Variants in DPP6 observed in about 807,000 individuals in gnomAD.
DPP6 encodes the protein dipeptidyl peptidase like 6.
DPP6 carries 69 observed loss-of-function variants against 122.6 expected under a neutral mutation model. The ratio of observed to expected loss-of-function variants is 0.56; its 90% confidence interval spans 0.46 to 0.69. The LOEUF is 0.69. Among genes scored for constraint, DPP6 ranks in the 30% least tolerant of loss-of-function variants. DPP6 has a pLI of 0.00. For synonymous variants in DPP6, 418 were observed against 433.1 expected (o/e 0.97, Z 0.43); for missense variants, 928 against 1,116.9 (o/e 0.83, Z 2.41).
chr7:154,314,025 C>T (rs1392285732), intron 1 of DPP6, among the ~76,000 whole-genome samples: 1 of 151,896 alleles, frequency 6.6e-6, no homozygotes, highest in African/African-American at 2.4e-5. Context: ...CAAAAGCTCC[C>T]TTGGTGCATT....
At chr7:154,083,101 G>A (rs1455958532) in intron 1 of DPP6, among the ~76,000 whole-genome samples, 4 of 151,938 alleles carry the variant, frequency 2.6e-5, no homozygotes, top group Admixed American at 6.6e-5. Flanking sequence ...CGCCCACCTC[G>A]ACCTCCCAAA....
chr7:153,789,667 A>T, the DPP6 span, among the ~76,000 whole-genome samples: 1 of 152,332 alleles, frequency 6.6e-6, no homozygotes, highest in East Asian at 1.9e-4. Context: ...CACCTTAATT[A>T]ACAGAGATAT....
intron 1 of DPP6, among the ~76,000 whole-genome samples, chr7:154,254,495 C>T (rs1253922572): frequency 6.6e-6 from 1 of 152,146 alleles, no homozygotes; most frequent in African/African-American, 2.4e-5. Context: ...TACTGAGCTT[C>T]TGAGAAAAAT....
chr7:154,692,781 C>CTT (rs200799193), intron 7 of DPP6, among the ~76,000 whole-genome samples: 119 of 141,510 alleles, frequency 8.4e-4, no homozygotes, highest in East Asian at 1.2e-3. Flanking sequence ...TTCTCTCTCT[C>CTT]TTTTTTTTTT....
At position 154,769,314 on chromosome 7, in the gene DPP6, C is replaced by T. The variant is rs565780490; in HGVS notation, c.884-103C>T. 32 of 1,483,072 alleles carry T rather than the reference C, an allele frequency of 2.2e-5. No individual in the cohort carries two copies. The East Asian group carries it at 6.8e-4, about 32-fold the overall frequency. 91.9% of individuals were successfully genotyped at this position (1,483,072 alleles called of 1,614,324 possible). A position where few individuals can be genotyped will look rare whatever the true frequency, so the allele number is the denominator to read the frequency against. On this transcript the variant is annotated intron_variant, in intron 8 of 25. Coordinates refer to ENST00000377770, the MANE Select transcript of DPP6 (RefSeq NM_130797.4). ...AGGTTGTAGCAGATAAGGGGCTCTG[C>T]AGGGACTCGTTTCTTTCCTGGCCAC...
the DPP6 span, among the ~76,000 whole-genome samples, chr7:153,828,599 T>A: frequency 6.6e-6 from 1 of 152,214 alleles, no homozygotes; most frequent in African/African-American, 2.4e-5. Context: ...GTATATCTGA[T>A]TAAAGAGTAT....
At chr7:154,036,026 G>A (rs1209606825) in intron 1 of DPP6, among the ~76,000 whole-genome samples, 1 of 112,794 alleles carries the variant, frequency 8.9e-6, no homozygotes, top group African/African-American at 3.6e-5. Context: ...GCGCTTGTGT[G>A]TGTGTGTGTG....
chr7:154,005,217 C>T (rs997874968), intron 1 of DPP6, among the ~76,000 whole-genome samples: 10 of 152,216 alleles, frequency 6.6e-5, no homozygotes, highest in Non-Finnish European at 1.0e-4. Flanking sequence ...ATAGTTCCTA[C>T]CCCAAGAAAA....
chr7:154,853,365 G>A (rs907040232), intron 16 of DPP6, among the ~76,000 whole-genome samples: 1 of 152,250 alleles, frequency 6.6e-6, no homozygotes. Context: ...ATTGGATGGA[G>A]TGACATCCTT....
intron 1 of DPP6, among the ~76,000 whole-genome samples, chr7:154,402,583 C>G (rs1438849166): frequency 7.4e-6 from 1 of 135,370 alleles, no homozygotes; most frequent in Non-Finnish European, 1.5e-5. Context: ...GAACATCACA[C>G]TCTGGGGACT....
chr7:154,646,046 G>A (rs376163901), intron 6 of DPP6, among the ~76,000 whole-genome samples: 5,699 of 57,580 alleles, frequency 0.099, 23 homozygotes, highest in South Asian at 0.13. Context: ...AAAAAAAAAA[G>A]AAAATACTGA....
At chr7:153,944,342 G>A (rs968267203) in intron 1 of DPP6, among the ~76,000 whole-genome samples, 1 of 152,196 alleles carries the variant, frequency 6.6e-6, no homozygotes, top group African/African-American at 2.4e-5. Context: ...CGAGGCGTGT[G>A]CTTGGACCTG....
At chr7:154,629,657 G>T (rs1336866920) in intron 5 of DPP6, among the ~76,000 whole-genome samples, 1 of 152,138 alleles carries the variant, frequency 6.6e-6, no homozygotes, top group Non-Finnish European at 1.5e-5. Flanking sequence ...ATAAGGAAAG[G>T]ACTGTGGAGG....
the DPP6 span, among the ~76,000 whole-genome samples, chr7:153,867,053 C>G: frequency 6.6e-6 from 1 of 152,120 alleles, no homozygotes; most frequent in African/African-American, 2.4e-5. Flanking sequence ...GTTACTGTAG[C>G]CTTGTAGTAT....
At chr7:154,716,358 C>T (rs1391639868) in intron 7 of DPP6, among the ~76,000 whole-genome samples, 1 of 152,164 alleles carries the variant, frequency 6.6e-6, no homozygotes, top group African/African-American at 2.4e-5. Flanking sequence ...CATCCCTACC[C>T]ACTTACTATT....
rs149086997 is a variant in DPP6, at chr7:154,439,187, C to A, written c.244-7027C>A. Among the ~76,000 whole-genome samples, 11 of 152,240 alleles carry A rather than the reference C, an allele frequency of 7.2e-5. No individual in the cohort carries two copies. The East Asian group carries it at 1.5e-3, about 21-fold the overall frequency. On this transcript the variant is annotated intron_variant, in intron 1 of 25. Transcript: ENST00000377770. ...TGACATTGAGAAGTGATGTGTTGAG[C>A]GTGCCAAAAATCTACCCAGTATAGA... is the stretch of plus-strand genomic sequence containing the variant.
rs1278525013 is a variant in DPP6, at chr7:154,893,775, AC to A, written c.*1299del. 2 of 152,162 alleles carry A rather than the reference AC, an allele frequency of 1.3e-5. No individual in the cohort carries two copies. The highest frequency in any genetic ancestry group is 2.4e-5 in the African/African-American group (1 of 41,418). 9.4% of individuals were successfully genotyped at this position (152,162 alleles called of 1,614,324 possible). A position where few individuals can be genotyped will look rare whatever the true frequency, so the allele number is the denominator to read the frequency against. ...ACCCAGCCTCCTCCCGCCAGTGCTA[AC>A]CCCGTGTTGAGCCTGCATGCTGACA... On this transcript the variant is annotated 3_prime_UTR_variant, in exon 26 of 26. Transcript: ENST00000377770.
At chr7:153,758,312 T>C in the DPP6 span, among the ~76,000 whole-genome samples, 4 of 152,226 alleles carry the variant, frequency 2.6e-5, no homozygotes, top group Admixed American at 6.5e-5. Context: ...CCTCTTTTGT[T>C]CTTGAAAAAG....
intron 7 of DPP6, among the ~76,000 whole-genome samples, chr7:154,701,300 A>T (rs1324940413): frequency 6.6e-6 from 1 of 152,068 alleles, no homozygotes; most frequent in African/African-American, 2.4e-5. Context: ...GCTGATAACC[A>T]CGCAGGCTGT....
Sources: allele counts gnomAD v4.1 joint callset (sites outside exome capture counted in the v4.1 genomes callset), GRCh38; gene constraint gnomAD v4.1.1; transcripts MANE v1.5; gene names NCBI Gene and HGNC (gene_info 2026-07-23, HGNC 2026-07-21).